The following ANO10 variants were observed in gnomAD, a reference collection of about 807,000 sequenced individuals.
The protein encoded by ANO10 is anoctamin 10.
Under a neutral mutation model 74.7 loss-of-function variants are expected in ANO10, and 77 were observed. The observed-to-expected ratio is 1.03, with a 90% CI of 0.86 to 1.25. The LOEUF (loss-of-function observed/expected upper bound fraction) is 1.25. Ranked by LOEUF, ANO10 falls within the 50% of genes most tolerant of loss-of-function variation. The pLI, the probability that ANO10 is intolerant of heterozygous loss-of-function variation, is 0.00. For missense variants in ANO10, 721 were observed against 778.1 expected, an observed-to-expected ratio of 0.93 and a Z score of 0.87; for synonymous variants, 279 against 284.9, an observed-to-expected ratio of 0.98 and a Z score of 0.21.
intron 11 of ANO10, among the ~76,000 whole-genome samples, chr3:43,507,387 G>A (rs904170894): frequency 3.3e-5 from 5 of 152,010 alleles, no homozygotes; most frequent in African/African-American, 1.2e-4. Flanking sequence ...GGCCATGTGG[G>A]AAGCTGGGGC....
intron 1 of ANO10, among the ~76,000 whole-genome samples, chr3:43,683,108 G>A (rs948473631): frequency 6.6e-6 from 1 of 152,128 alleles, no homozygotes; most frequent in African/African-American, 2.4e-5. Context: ...AGGAAATAAA[G>A]GGTATTCAAT....
intron 12 of ANO10, among the ~76,000 whole-genome samples, chr3:43,386,473 G>C (rs907546931): frequency 1.5e-4 from 23 of 152,242 alleles, no homozygotes; most frequent in African/African-American, 5.5e-4. Context: ...AGCAACACCT[G>C]ATCTGAGAAA....
intron 5 of ANO10, among the ~76,000 whole-genome samples, chr3:43,578,800 C>T (rs2081133918): frequency 7.4e-6 from 1 of 134,968 alleles, no homozygotes; most frequent in Non-Finnish European, 1.6e-5. Context: ...CAGATAGTCA[C>T]TTTACAAGTC....
At chr3:43,691,219 C>T (rs1289576570) in intron 1 of ANO10, 1 of 514,824 alleles carries the variant, frequency 1.9e-6, no homozygotes, top group Non-Finnish European at 3.0e-6. Context: ...CGCCGCTCTG[C>T]CTGGGAGAGG....
intron 1 of ANO10, among the ~76,000 whole-genome samples, chr3:43,612,245 CTCTT>C (rs1190320821): frequency 4.0e-5 from 6 of 148,290 alleles, no homozygotes; most frequent in Non-Finnish European, 8.9e-5. Flanking sequence ...CCTCTAAACC[CTCTT>C]TCTTTCTCTT....
chr3:43,375,525 G>A (rs1409890757), intron 12 of ANO10, among the ~76,000 whole-genome samples: 1 of 152,064 alleles, frequency 6.6e-6, no homozygotes, highest in Non-Finnish European at 1.5e-5. Flanking sequence ...GCTTCCAAAG[G>A]GAACAAGAAT....
intron 12 of ANO10, among the ~76,000 whole-genome samples, chr3:43,373,901 G>A (rs181910794): frequency 1.5e-3 from 221 of 152,338 alleles, no homozygotes; most frequent in African/African-American, 3.6e-3. Context: ...GGGAAATGTC[G>A]TCAGAGGCAG....
intron 1 of ANO10, among the ~76,000 whole-genome samples, chr3:43,666,106 A>G (rs1372704710): frequency 6.6e-6 from 1 of 152,166 alleles, no homozygotes; most frequent in Non-Finnish European, 1.5e-5. Context: ...AAGGATTTTA[A>G]TTCAAACCCT....
At chr3:43,455,052 C>T (rs2075063957) in intron 11 of ANO10, among the ~76,000 whole-genome samples, 1 of 152,050 alleles carries the variant, frequency 6.6e-6, no homozygotes, top group Admixed American at 6.5e-5. Context: ...CAGATGTGGG[C>T]CATCTGCAGT....
intron 11 of ANO10, among the ~76,000 whole-genome samples, chr3:43,471,361 T>C (rs1041273708): frequency 6.6e-6 from 1 of 152,214 alleles, no homozygotes; most frequent in East Asian, 1.9e-4. Flanking sequence ...TAAAATTCAA[T>C]GCTTAGGAAA....
intron 1 of ANO10, among the ~76,000 whole-genome samples, chr3:43,634,542 C>G (rs1286861289): frequency 6.6e-6 from 1 of 152,058 alleles, no homozygotes; most frequent in Admixed American, 6.6e-5. Context: ...CTTCCCCCTA[C>G]CTGAAATTCT....
chr3:43,439,375 A>AT lies in ANO10; in HGVS notation c.1798-6649dup, dbSNP rs1365678080. On this transcript the variant is annotated intron_variant, in intron 11 of 12. Coordinates refer to ENST00000292246, the MANE Select transcript of ANO10 (RefSeq NM_018075.5). ...CATCACTACTACAACTGCCTTACAC[A>AT]TAATGCTACAGGCATTCCTTCAAGC... Among the ~76,000 whole-genome samples, 4 of 150,664 alleles carry AT rather than the reference A, an allele frequency of 2.7e-5. No individual in the cohort carries two copies. The East Asian group carries it at 5.9e-4, about 22-fold the overall frequency.
Position 43,454,691 on chromosome 3 carries a change from G to A in ANO10, c.1798-21964C>T, listed in dbSNP as rs114826807. 6.6e-3 allele frequency among the ~76,000 whole-genome samples: 1,009 copies of A among 152,084 alleles called. 3 individuals carry two copies. The highest frequency in any genetic ancestry group is 0.034 in the Middle Eastern group (10 of 294). ...AGGAGAGAGGAGTCAGGTAAGGTGA[G>A]GCCTGAGAAAGGACCATGGCATTAG... On this transcript the variant is annotated intron_variant, in intron 11 of 12. Transcript: ENST00000292246.
chr3:43,472,496 C>T (rs980906115), intron 11 of ANO10: 2 of 151,960 alleles, frequency 1.3e-5, no homozygotes, highest in Non-Finnish European at 2.9e-5. Context: ...GAAGTTATCA[C>T]AGTGAGTTAT....
intron 11 of ANO10, among the ~76,000 whole-genome samples, chr3:43,537,841 C>CCAGGG (rs1178395661): frequency 1.1e-4 from 16 of 152,240 alleles, no homozygotes; most frequent in African/African-American, 3.9e-4. Context: ...CATCTTACAT[C>CCAGGG]TGTAAGCACC....
At chr3:43,476,032 T>C (rs1017188594) in intron 11 of ANO10, among the ~76,000 whole-genome samples, 1 of 152,232 alleles carries the variant, frequency 6.6e-6, no homozygotes, top group African/African-American at 2.4e-5. Flanking sequence ...AAAATGTCCA[T>C]GGCCATTATC....
chr3:43,465,851 A>G (rs1013920283), intron 11 of ANO10, among the ~76,000 whole-genome samples: 5 of 152,238 alleles, frequency 3.3e-5, no homozygotes. Context: ...GGACCTAAAT[A>G]AATGGAAAGA....
chr3:43,545,474 C>T (rs2079146936), intron 11 of ANO10, among the ~76,000 whole-genome samples: 1 of 152,008 alleles, frequency 6.6e-6, no homozygotes, highest in Non-Finnish European at 1.5e-5. Flanking sequence ...CAAGCGATTC[C>T]CCTGCCTCAG....
chr3:43,494,252 G>A (rs946689256), intron 11 of ANO10, among the ~76,000 whole-genome samples: 5 of 152,072 alleles, frequency 3.3e-5, no homozygotes, highest in Admixed American at 6.6e-5. Flanking sequence ...TCAGGGGTTC[G>A]GGACCAGCCT....
Sources: gnomAD v4.1 joint callset for allele counts (sites outside exome capture counted in the v4.1 genomes callset) on GRCh38, gnomAD v4.1.1 for gene constraint, MANE v1.5 for transcripts, NCBI Gene and HGNC (gene_info 2026-07-23, HGNC 2026-07-21) for gene names.